The following MGAT4C variants were observed in gnomAD, a reference collection of about 807,000 sequenced individuals.
MGAT4C encodes the protein MGAT4 family member C.
Under a neutral mutation model 40.1 loss-of-function variants are expected in MGAT4C, and 19 were observed. That is an observed-to-expected ratio of 0.47 (90% CI 0.33 to 0.70). The LOEUF is 0.70. Among genes scored for constraint, MGAT4C ranks in the 30% least tolerant of loss-of-function variants. The probability of loss-of-function intolerance (pLI) is 0.02; values close to 1 mark genes in which losing one functional copy is unlikely to be tolerated. For synonymous variants in MGAT4C, 181 were observed against 187.1 expected (o/e 0.97, Z 0.27); for missense variants, 491 against 563.2 (o/e 0.87, Z 1.30).
chr12:86,143,744 GAAGT>G (rs1315392531), intron 1 of MGAT4C, among the ~76,000 whole-genome samples: 1 of 152,106 alleles, frequency 6.6e-6, no homozygotes, highest in Non-Finnish European at 1.5e-5. Flanking sequence ...GCAGAAATTA[GAAGT>G]AAGAAGAAAA....
chr12:86,096,015 A>G (rs994809275), intron 1 of MGAT4C, among the ~76,000 whole-genome samples: 6 of 151,760 alleles, frequency 4.0e-5, no homozygotes, highest in Non-Finnish European at 7.4e-5. Flanking sequence ...TTTGTCTGTC[A>G]CCTATATACT....
chr12:86,483,266 A>C (rs1957965388), intron 2 of MGAT4C, among the ~76,000 whole-genome samples: 1 of 152,144 alleles, frequency 6.6e-6, no homozygotes, highest in Admixed American at 6.6e-5. Flanking sequence ...ATTGTACATT[A>C]GGTGTCAACA....
intron 2 of MGAT4C, among the ~76,000 whole-genome samples, chr12:86,508,520 C>T (rs577226260): frequency 9.2e-5 from 14 of 152,146 alleles, no homozygotes; most frequent in South Asian, 6.2e-4. Flanking sequence ...AATAAACATA[C>T]GTGTGCATGT....
chr12:86,626,936 C>G (rs1163390482), intron 2 of MGAT4C, among the ~76,000 whole-genome samples: 1 of 152,178 alleles, frequency 6.6e-6, no homozygotes, highest in Non-Finnish European at 1.5e-5. Flanking sequence ...CTGGGAAGTG[C>G]AAGGGGTTGG....
intron 3 of MGAT4C, among the ~76,000 whole-genome samples, chr12:86,404,104 G>A (rs558654335): frequency 1.3e-5 from 2 of 152,226 alleles, no homozygotes; most frequent in South Asian, 2.1e-4. Flanking sequence ...GATTGCTTGA[G>A]CCCAGAAGTT....
chr12:86,501,986 C>A, intron 2 of MGAT4C, among the ~76,000 whole-genome samples: 1 of 151,946 alleles, frequency 6.6e-6, no homozygotes. Context: ...TAGGAAAAAA[C>A]ACATAATTAC....
chr12:86,433,794 G>T lies in MGAT4C; in HGVS notation c.-120+1363C>A, dbSNP rs572948967. Among the ~76,000 whole-genome samples, 22 of 152,076 alleles carry T rather than the reference G, an allele frequency of 1.4e-4. No individual in the cohort carries two copies. The South Asian group carries it at 4.3e-3, about 30-fold the overall frequency. On this transcript the variant is annotated intron_variant, in intron 3 of 7. Coordinates refer to the MGAT4C transcript ENST00000548651. ...TACATCTGAAAAATTAAGTCTCATT[G>T]TATTCATTGTCATTACTGACTCCTC...
At chr12:86,048,513 T>C (rs899233655) in intron 2 of MGAT4C, among the ~76,000 whole-genome samples, 1 of 151,954 alleles carries the variant, frequency 6.6e-6, no homozygotes, top group Non-Finnish European at 1.5e-5. Flanking sequence ...TTAAAAAAGA[T>C]TAAATGAAAA....
At chr12:86,571,181 T>C (rs1001232251) in intron 2 of MGAT4C, among the ~76,000 whole-genome samples, 1 of 152,182 alleles carries the variant, frequency 6.6e-6, no homozygotes, top group Non-Finnish European at 1.5e-5. Flanking sequence ...TCCTTGAGTT[T>C]TAATGCTCAT....
intron 2 of MGAT4C, among the ~76,000 whole-genome samples, chr12:86,695,937 C>T (rs190693740): frequency 7.9e-5 from 12 of 152,022 alleles, no homozygotes; most frequent in South Asian, 2.1e-4. Flanking sequence ...ATAGGCCGGG[C>T]GTGGTGGCTC....
chr12:86,012,997 C>A (rs1268016865), intron 2 of MGAT4C, among the ~76,000 whole-genome samples: 1 of 151,800 alleles, frequency 6.6e-6, no homozygotes, highest in East Asian at 1.9e-4. Flanking sequence ...CACGGTGGCA[C>A]ATGCCTGTGG....
chr12:86,319,319 T>A (rs1324279863), intron 4 of MGAT4C, among the ~76,000 whole-genome samples: 1 of 152,160 alleles, frequency 6.6e-6, no homozygotes, highest in Non-Finnish European at 1.5e-5. Flanking sequence ...CATGATGTGA[T>A]CTCAGACTGC....
intron 1 of MGAT4C, among the ~76,000 whole-genome samples, chr12:86,781,475 T>A (rs1390940078): frequency 1.3e-5 from 2 of 152,154 alleles, no homozygotes; most frequent in Admixed American, 1.3e-4. Flanking sequence ...ACATCTCTTT[T>A]TAACTACATT....
At chr12:86,632,309 GA>G (rs1167288891) in intron 2 of MGAT4C, among the ~76,000 whole-genome samples, 1 of 152,124 alleles carries the variant, frequency 6.6e-6, no homozygotes, top group Non-Finnish European at 1.5e-5. Flanking sequence ...CTGTTGGGGG[GA>G]CTGTAAACTA....
intron 1 of MGAT4C, among the ~76,000 whole-genome samples, chr12:86,195,431 T>A (rs2135915931): frequency 6.6e-6 from 1 of 152,310 alleles, no homozygotes; most frequent in Non-Finnish European, 1.5e-5. Flanking sequence ...AGACATTGAA[T>A]CACTCTATAA....
chr12:86,415,251 G>A (rs1425836834), intron 3 of MGAT4C, among the ~76,000 whole-genome samples: 1 of 151,992 alleles, frequency 6.6e-6, no homozygotes, highest in Non-Finnish European at 1.5e-5. Context: ...TGTTCTAATT[G>A]TAGCAAAATT....
chr12:86,563,041 G>A (rs1477578711), intron 2 of MGAT4C, among the ~76,000 whole-genome samples: 2 of 152,076 alleles, frequency 1.3e-5, no homozygotes, highest in Non-Finnish European at 2.9e-5. Context: ...TGGGGTGCTG[G>A]AGAGGATTAG....
chr12:86,253,559 A>G (rs145586513), intron 1 of MGAT4C, among the ~76,000 whole-genome samples: 1 of 152,110 alleles, frequency 6.6e-6, no homozygotes, highest in African/African-American at 2.4e-5. Flanking sequence ...ATATATACAC[A>G]AGGTTGATAA....
At chr12:86,588,778 T>A (rs1184575529) in intron 2 of MGAT4C, among the ~76,000 whole-genome samples, 3 of 151,954 alleles carry the variant, frequency 2.0e-5, no homozygotes, top group African/African-American at 4.8e-5. Context: ...ACATGGAAGC[T>A]GAACAACCTG....
Sources: allele counts gnomAD v4.1 joint callset (sites outside exome capture counted in the v4.1 genomes callset), GRCh38; gene constraint gnomAD v4.1.1; transcripts MANE v1.5; gene names NCBI Gene and HGNC (gene_info 2026-07-23, HGNC 2026-07-21).